MBD5: variants seen among roughly 807,000 people sequenced by gnomAD.
The protein encoded by MBD5 is methyl-CpG-binding domain protein 5.
MBD5 carries 13 observed loss-of-function variants against 117.3 expected under a neutral mutation model. The observed-to-expected ratio is 0.11, with a 90% CI of 0.07 to 0.18. The LOEUF (loss-of-function observed/expected upper bound fraction) is 0.18, where lower values mean the gene tolerates loss of function less well. Ranked by LOEUF, MBD5 falls within the 10% of genes least tolerant of loss-of-function variation. The probability of loss-of-function intolerance (pLI) is 1.00; values close to 1 mark genes in which losing one functional copy is unlikely to be tolerated. For missense variants in MBD5, 1,879 were observed against 2,093.8 expected (o/e 0.90, Z 2.00); for synonymous variants, 727 against 766.4 (o/e 0.95, Z 0.85).
At chr2:148,441,718 A>C (rs1706330995) in intron 4 of MBD5, among the ~76,000 whole-genome samples, 1 of 151,988 alleles carries the variant, frequency 6.6e-6, no homozygotes, top group African/African-American at 2.4e-5. Context: ...TTACAGTCCC[A>C]CCAACAGTGT....
chr2:148,150,757 C>T (rs569396343), intron 1 of MBD5, among the ~76,000 whole-genome samples: 1,865 of 151,768 alleles, frequency 0.012, 46 homozygotes, highest in African/African-American at 0.043. Flanking sequence ...GTTGTTGGTG[C>T]ATAAGAATGC....
chr2:148,312,215 G>A (rs933722799), intron 3 of MBD5, among the ~76,000 whole-genome samples: 5 of 152,150 alleles, frequency 3.3e-5, no homozygotes, highest in African/African-American at 9.7e-5. Context: ...GGTTGGGGAC[G>A]TTCTCCTGGA....
chr2:148,238,600 G>T lies in MBD5; in HGVS notation c.-680+5205G>T, dbSNP rs919588742. On this transcript the variant is annotated intron_variant, in intron 3 of 13. Coordinates refer to ENST00000642680, the MANE Select transcript of MBD5 (RefSeq NM_001378120.1). ...CTGCTATAACAAATTACCATAAATT[G>T]TGTAGCTTAAAATAACGAAAGTTTA... 2.0e-5 allele frequency among the ~76,000 whole-genome samples: 3 copies of T among 152,134 alleles called. No individual in the cohort carries two copies. The East Asian group carries it at 5.8e-4, about 29-fold the overall frequency.
At chr2:148,397,776 A>G (rs899462379) in intron 4 of MBD5, among the ~76,000 whole-genome samples, 3 of 151,878 alleles carry the variant, frequency 2.0e-5, no homozygotes, top group African/African-American at 4.8e-5. Context: ...AGCATTAGGT[A>G]TATCTCCTAA....
chr2:148,054,611 C>T (rs2105783325), intron 1 of MBD5: 1 of 152,286 alleles, frequency 6.6e-6, no homozygotes, highest in African/African-American at 2.4e-5. Context: ...CTGCAACATC[C>T]AAGTACATGA....
chr2:148,492,293 G>A (rs1681553112), intron 11 of MBD5, among the ~76,000 whole-genome samples: 1 of 151,530 alleles, frequency 6.6e-6, no homozygotes, highest in East Asian at 1.9e-4. Context: ...CCTTAATTTT[G>A]GCAATAGATG....
At chr2:148,432,981 A>G (rs1217571084) in intron 4 of MBD5, among the ~76,000 whole-genome samples, 1 of 152,106 alleles carries the variant, frequency 6.6e-6, no homozygotes, top group Non-Finnish European at 1.5e-5. Context: ...AATGATACTG[A>G]GTCTTCCTGT....
intron 1 of MBD5, among the ~76,000 whole-genome samples, chr2:148,135,309 C>A (rs935910533): frequency 2.0e-5 from 3 of 152,128 alleles, no homozygotes; most frequent in Non-Finnish European, 4.4e-5. Context: ...TGTGTTACTT[C>A]TTTTTTCCTA....
chr2:148,283,967 T>C (rs1218605142), intron 3 of MBD5, among the ~76,000 whole-genome samples: 1 of 152,208 alleles, frequency 6.6e-6, no homozygotes, highest in Non-Finnish European at 1.5e-5. Flanking sequence ...GCCACCTACT[T>C]CTGGTCACTG....
intron 3 of MBD5, among the ~76,000 whole-genome samples, chr2:148,299,287 C>T (rs1369345748): frequency 1.3e-5 from 2 of 151,972 alleles, no homozygotes; most frequent in African/African-American, 4.8e-5. Context: ...ACCACCACAC[C>T]CGGCTAATTT....
chr2:148,490,628 C>T (rs374340186), intron 11 of MBD5, 34 bp downstream of exon 11: 2 of 1,611,918 alleles, frequency 1.2e-6, no homozygotes, highest in Admixed American at 1.7e-5. Context: ...CAAATACTAA[C>T]CTTTGTTCAG....
intron 1 of MBD5, among the ~76,000 whole-genome samples, chr2:148,130,170 A>C (rs891953473): frequency 6.6e-6 from 1 of 152,246 alleles, no homozygotes; most frequent in African/African-American, 2.4e-5. Flanking sequence ...AGAGAAGACT[A>C]TAACTATCAT....
chr2:148,447,999 C>G (rs1416637964), intron 4 of MBD5, among the ~76,000 whole-genome samples: 2 of 152,048 alleles, frequency 1.3e-5, no homozygotes, highest in Admixed American at 6.6e-5. Context: ...GAAACTCCCT[C>G]CCTCTCCAAC....
At chr2:148,113,361 CT>C (rs572839509) in intron 1 of MBD5, among the ~76,000 whole-genome samples, 1 of 151,458 alleles carries the variant, frequency 6.6e-6, no homozygotes, top group Non-Finnish European at 1.5e-5. Context: ...TTGTCAAAAA[CT>C]TTTTTTTTAA....
intron 1 of MBD5, chr2:148,056,157 T>C (rs1256436667): frequency 6.6e-6 from 1 of 152,186 alleles, no homozygotes; most frequent in Non-Finnish European, 1.5e-5. Flanking sequence ...CTTGCTTATA[T>C]AAAGAAATGC....
At chr2:148,090,960 A>T (rs568614784) in intron 1 of MBD5, among the ~76,000 whole-genome samples, 4 of 152,254 alleles carry the variant, frequency 2.6e-5, no homozygotes, top group Admixed American at 6.5e-5. Context: ...GATATGATAA[A>T]TGAATTCAGT....
At chr2:148,169,958 C>T (rs1272818762) in intron 1 of MBD5, among the ~76,000 whole-genome samples, 2 of 150,586 alleles carry the variant, frequency 1.3e-5, no homozygotes, top group East Asian at 2.0e-4. Context: ...AGTGCAGTGG[C>T]GCGATCTCGG....
intron 3 of MBD5, among the ~76,000 whole-genome samples, chr2:148,326,292 C>G (rs970677826): frequency 5.3e-5 from 8 of 152,034 alleles, no homozygotes; most frequent in African/African-American, 1.9e-4. Context: ...TGGTGTGGTG[C>G]TGAAAAAAAT....
At chr2:148,243,435 G>T (rs1487201044) in intron 3 of MBD5, among the ~76,000 whole-genome samples, 2 of 151,808 alleles carry the variant, frequency 1.3e-5, no homozygotes, top group Admixed American at 6.6e-5. Context: ...ATTACCTAAG[G>T]TTATAATATA....
Sources: gnomAD v4.1 joint callset for allele counts (sites outside exome capture counted in the v4.1 genomes callset) on GRCh38, gnomAD v4.1.1 for gene constraint, MANE v1.5 for transcripts, NCBI Gene and HGNC (gene_info 2026-07-23, HGNC 2026-07-21) for gene names.